Variants in FTO observed in about 807,000 individuals in gnomAD.
FTO encodes alpha-ketoglutarate-dependent dioxygenase FTO.
A neutral mutation model predicts 63.9 loss-of-function variants in FTO; 47 were observed. That is an observed-to-expected ratio of 0.74 (90% CI 0.58 to 0.94). The LOEUF (loss-of-function observed/expected upper bound fraction) is 0.94, where lower values mean the gene tolerates loss of function less well. Ranked by LOEUF, FTO falls within the 40% of genes least tolerant of loss-of-function variation. The pLI is 0.00. For missense variants in FTO, 562 were observed against 618.1 expected, an observed-to-expected ratio of 0.91 and a Z score of 0.96; for synonymous variants, 207 against 224.4, an observed-to-expected ratio of 0.92 and a Z score of 0.69.
chr16:53,706,746 A>C (rs2075633562), intron 1 of FTO, among the ~76,000 whole-genome samples: 2 of 152,288 alleles, frequency 1.3e-5, no homozygotes, highest in Non-Finnish European at 2.9e-5. Context: ...TGTATCCATA[A>C]TTTGTTCCTT....
At chr16:53,765,357 G>T (rs980537516) in intron 1 of FTO, among the ~76,000 whole-genome samples, 1 of 151,438 alleles carries the variant, frequency 6.6e-6, no homozygotes, top group Non-Finnish European at 1.5e-5. Context: ...AGGAGTTCGA[G>T]ACCAGCCTGG....
chr16:54,094,973 C>T (rs2144570367), intron 8 of FTO, among the ~76,000 whole-genome samples: 1 of 152,256 alleles, frequency 6.6e-6, no homozygotes, highest in Non-Finnish European at 1.5e-5. Flanking sequence ...TCCAAGAGCT[C>T]AGACTTCACT....
chr16:53,796,966 T>C (rs537861971), intron 1 of FTO, among the ~76,000 whole-genome samples: 10 of 152,348 alleles, frequency 6.6e-5, no homozygotes, highest in African/African-American at 2.4e-4. Flanking sequence ...TCTGGGCAGC[T>C]ACTAATCTGC....
chr16:54,096,565 GGAGTCAAT>G (rs2086520916), intron 8 of FTO, among the ~76,000 whole-genome samples: 1 of 152,188 alleles, frequency 6.6e-6, no homozygotes, highest in African/African-American at 2.4e-5. Flanking sequence ...AGGAAGTACT[GGAGTCAAT>G]GACACATATC....
rs1248525232 is a variant in FTO, at chr16:54,121,708, T to C, written c.*9793T>C. On this transcript the variant is annotated 3_prime_UTR_variant, in exon 9 of 9. Coordinates refer to ENST00000471389, the MANE Select transcript of FTO (RefSeq NM_001080432.3). ...TGCCTCATTCGGAGAGGTGATAATC[T>C]GGTCTGTGGTTTCTTTTTCGGTGGG... 6.6e-6 allele frequency: 1 copy of C among 152,312 alleles called. No homozygotes were observed. The highest frequency in any genetic ancestry group is 1.9e-4 in the East Asian group (1 of 5,178). 9.4% of individuals were successfully genotyped at this position (152,312 alleles called of 1,614,324 possible).
chr16:54,063,542 A>G (rs1484644639), intron 8 of FTO: 1 of 152,204 alleles, frequency 6.6e-6, no homozygotes, highest in Non-Finnish European at 1.5e-5. Flanking sequence ...CAAATGCCGT[A>G]TGGTGTTCTA....
intron 8 of FTO, among the ~76,000 whole-genome samples, chr16:54,058,225 C>T (rs369942222): frequency 2.1e-3 from 316 of 152,238 alleles, no homozygotes; most frequent in African/African-American, 6.8e-3. Flanking sequence ...GATTCTCCTG[C>T]CTCAGCCTCC....
chr16:54,084,180 T>G (rs1315139321), intron 8 of FTO, among the ~76,000 whole-genome samples: 2 of 152,236 alleles, frequency 1.3e-5, no homozygotes, highest in African/African-American at 4.8e-5. Context: ...TGGCTCTCTG[T>G]CCTTGAACGT....
At chr16:54,109,056 T>G (rs1035618822) in intron 8 of FTO, among the ~76,000 whole-genome samples, 1 of 152,196 alleles carries the variant, frequency 6.6e-6, no homozygotes, top group African/African-American at 2.4e-5. Context: ...ATCATTTGAG[T>G]TGGGGATGTC....
chr16:54,020,231 A>G (rs1362274224), intron 8 of FTO, among the ~76,000 whole-genome samples: 1 of 152,182 alleles, frequency 6.6e-6, no homozygotes, highest in South Asian at 2.1e-4. Flanking sequence ...GAGTACAGAT[A>G]TTGTCTCTTT....
chr16:53,826,063 A>T lies in FTO; in HGVS notation c.323A>T (p.Tyr108Phe). The change falls in exon 3 of 9, where the codon TAC becomes TTC. Residue 108 changes from tyrosine to phenylalanine, a missense_variant. Coordinates refer to ENST00000471389, the MANE Select transcript of FTO (RefSeq NM_001080432.3). ...GGTAATCCAGGCTGCACCTACAAGT[A>T]CCTGAACACCAGGCTCTTTACGGTC... ...LIGNPGCTYK[Y>F]LNTRLFTVPW... 1 of 1,614,142 alleles carries T rather than the reference A, an allele frequency of 6.2e-7. No individual in the cohort carries two copies. The highest frequency in any genetic ancestry group is 8.5e-7 in the Non-Finnish European group (1 of 1,180,010).
chr16:53,724,801 C>T (rs2076117041), intron 1 of FTO, among the ~76,000 whole-genome samples: 2 of 152,060 alleles, frequency 1.3e-5, no homozygotes, highest in African/African-American at 2.4e-5. Context: ...TCGGAAGCCC[C>T]GAGGAAGAAA....
intron 7 of FTO, among the ~76,000 whole-genome samples, chr16:53,915,103 G>A (rs757531193): frequency 1.3e-5 from 2 of 152,140 alleles, no homozygotes; most frequent in Non-Finnish European, 2.9e-5. Flanking sequence ...CCAACCATAA[G>A]ACGGTATGCT....
At chr16:53,960,371 G>A (rs529794086) in intron 8 of FTO, among the ~76,000 whole-genome samples, 4 of 152,324 alleles carry the variant, frequency 2.6e-5, no homozygotes, top group African/African-American at 7.2e-5. Flanking sequence ...CCTGCCGTGC[G>A]TGGCACTGGT....
intron 6 of FTO, among the ~76,000 whole-genome samples, chr16:53,882,646 A>T (rs542491694): frequency 6.6e-6 from 1 of 152,308 alleles, no homozygotes; most frequent in African/African-American, 2.4e-5. Context: ...AGGTAGTTCC[A>T]TGAGACTGGG....
chr16:53,936,049 A>T (rs2082383535), intron 8 of FTO, among the ~76,000 whole-genome samples: 1 of 152,198 alleles, frequency 6.6e-6, no homozygotes, highest in Non-Finnish European at 1.5e-5. Flanking sequence ...GTTAACAATA[A>T]TTTTTTAATA....
intron 1 of FTO, among the ~76,000 whole-genome samples, chr16:53,769,466 T>C (rs757700442): frequency 2.2e-4 from 34 of 152,190 alleles, no homozygotes; most frequent in Non-Finnish European, 4.7e-4. Flanking sequence ...GTTATGAAGA[T>C]CAAATAAGTT....
intron 8 of FTO, among the ~76,000 whole-genome samples, chr16:53,957,716 A>G (rs2082962641): frequency 6.6e-6 from 1 of 152,258 alleles, no homozygotes; most frequent in African/African-American, 2.4e-5. Context: ...TACTGGCAGT[A>G]GGAGAAATCT....
chr16:53,789,564 A>G (rs111938461), intron 1 of FTO, among the ~76,000 whole-genome samples: 3,785 of 152,258 alleles, frequency 0.025, 157 homozygotes, highest in African/African-American at 0.086. Context: ...TTGGAGAACA[A>G]TATGTAGCCT....
Sources: gnomAD v4.1 joint callset for allele counts (sites outside exome capture counted in the v4.1 genomes callset) on GRCh38, gnomAD v4.1.1 for gene constraint, MANE v1.5 for transcripts, NCBI Gene and HGNC (gene_info 2026-07-23, HGNC 2026-07-21) for gene names.